The following ADAM12 variants were observed in gnomAD, a reference collection of about 807,000 sequenced individuals.
ADAM12 encodes disintegrin and metalloproteinase domain-containing protein 12.
ADAM12 carries 70 observed loss-of-function variants against 106.4 expected under a neutral mutation model. The observed-to-expected ratio is 0.66, with a 90% CI of 0.54 to 0.80. The LOEUF is 0.80. Among genes scored for constraint, ADAM12 ranks in the 30% least tolerant of loss-of-function variants. ADAM12 has a pLI of 0.00. For synonymous variants in ADAM12, 420 were observed against 433.5 expected (o/e 0.97, Z 0.39); for missense variants, 1,010 against 1,171.9 (o/e 0.86, Z 2.02).
At chr10:126,114,679 C>T (rs1405579414) in intron 6 of ADAM12, among the ~76,000 whole-genome samples, 1 of 152,152 alleles carries the variant, frequency 6.6e-6, no homozygotes, top group African/African-American at 2.4e-5. Flanking sequence ...GGGGTTTCAC[C>T]ACGTTGGCCA....
Position 126,385,521 on chromosome 10 carries a change from T to C in ADAM12, c.88+2537A>G, listed in dbSNP as rs187599778. The stretch of plus-strand genomic sequence containing the variant: ...ATATCACAGCTTGGTGCACAGAAAA[T>C]AAAGCAAACAAAAATCAAGACAAGG... On this transcript the variant is annotated intron_variant, in intron 1 of 22. Transcript: ENST00000448723. 4.6e-5 allele frequency among the ~76,000 whole-genome samples: 7 copies of C among 151,950 alleles called. No homozygotes were observed. The East Asian group carries it at 1.4e-3, about 29-fold the overall frequency.
At chr10:126,084,549 C>T (rs1034995334) in intron 11 of ADAM12, among the ~76,000 whole-genome samples, 2 of 152,214 alleles carry the variant, frequency 1.3e-5, no homozygotes, top group Admixed American at 6.5e-5. Context: ...GCACAGAATA[C>T]GCTAGTTCTT....
intron 11 of ADAM12, among the ~76,000 whole-genome samples, chr10:126,077,780 A>G (rs1056034628): frequency 2.0e-5 from 3 of 152,194 alleles, no homozygotes; most frequent in Non-Finnish European, 4.4e-5. Flanking sequence ...GGTGTTTTTC[A>G]TAAGAACTCC....
chr10:126,340,993 G>C (rs1371443678), intron 1 of ADAM12, among the ~76,000 whole-genome samples: 1 of 152,120 alleles, frequency 6.6e-6, no homozygotes, highest in Non-Finnish European at 1.5e-5. Flanking sequence ...GGGATTACAG[G>C]TGTGAGCCAT....
chr10:126,126,699 ACAGTGGGGGAGG>A (rs886890231), intron 5 of ADAM12, among the ~76,000 whole-genome samples: 4 of 152,002 alleles, frequency 2.6e-5, no homozygotes, highest in Non-Finnish European at 4.4e-5. Context: ...AGACAGAAGC[ACAGTGGGGGAGG>A]CAATTTTCAA....
intron 2 of ADAM12, among the ~76,000 whole-genome samples, chr10:126,284,297 C>T (rs1013954298): frequency 7.2e-6 from 1 of 139,450 alleles, no homozygotes; most frequent in Non-Finnish European, 1.5e-5. Flanking sequence ...CACGTCACTG[C>T]ACTCCAGCCT....
rs1953641633 is a variant in ADAM12, at chr10:126,015,188, C to G, written c.*2091G>C. Reference sequence around the variant, plus strand: ...CATGGCATAAGATCACAGTTTTAACCTCCTTTAATATCAAACTCTCCTGGC... The same window carrying G: ...CATGGCATAAGATCACAGTTTTAACGTCCTTTAATATCAAACTCTCCTGGC... On this transcript the variant is annotated 3_prime_UTR_variant, in exon 23 of 23. Transcript: ENST00000448723. The G allele has an allele frequency of 6.6e-6, 1 of 152,138 alleles. No homozygotes were observed. The highest frequency in any genetic ancestry group is 1.5e-5 in the Non-Finnish European group (1 of 68,026). 9.4% of individuals were successfully genotyped at this position (152,138 alleles called of 1,614,324 possible). A position where few individuals can be genotyped will look rare whatever the true frequency, so the allele number is the denominator to read the frequency against.
intron 3 of ADAM12, among the ~76,000 whole-genome samples, chr10:126,206,044 A>G (rs979982643): frequency 4.6e-5 from 7 of 152,176 alleles, no homozygotes; most frequent in Non-Finnish European, 8.8e-5. Flanking sequence ...ATGTGTCTGG[A>G]AAAATGTCCA....
intron 3 of ADAM12, among the ~76,000 whole-genome samples, chr10:126,194,267 G>A (rs944494873): frequency 4.6e-5 from 5 of 109,584 alleles, no homozygotes; most frequent in African/African-American, 1.5e-4. Context: ...CATCAAATAA[G>A]TTCATATGCT....
intron 21 of ADAM12, among the ~76,000 whole-genome samples, chr10:126,027,923 A>G (rs1190447474): frequency 6.6e-6 from 1 of 152,186 alleles, no homozygotes; most frequent in Non-Finnish European, 1.5e-5. Context: ...TTGTTTGCAG[A>G]TGACGTGATC....
chr10:126,374,690 G>A (rs986510643), intron 1 of ADAM12, among the ~76,000 whole-genome samples: 1 of 152,074 alleles, frequency 6.6e-6, no homozygotes, highest in Non-Finnish European at 1.5e-5. Context: ...AAGAGATGAA[G>A]AGAAGCTAAA....
At chr10:126,044,601 T>C (rs956345059) in intron 17 of ADAM12, among the ~76,000 whole-genome samples, 1 of 152,220 alleles carries the variant, frequency 6.6e-6, no homozygotes, top group African/African-American at 2.4e-5. Context: ...CTGCCAGATA[T>C]ACAGTTTCAT....
chr10:126,064,620 A>ACCCCATG lies in ADAM12; in HGVS notation c.1609+179_1609+185dup, dbSNP rs1954825938. 1.6e-6 allele frequency: 1 copy of ACCCCATG among 617,666 alleles called. No individual in the cohort carries two copies. The highest frequency in any genetic ancestry group is 1.8e-5 in the African/African-American group (1 of 54,132). 38.3% of individuals were successfully genotyped at this position (617,666 alleles called of 1,614,324 possible). On this transcript the variant is annotated intron_variant, in intron 14 of 22. Transcript: ENST00000448723. This position sits in a 1 kb window ranked among gnomAD's most constrained non-coding sequence, Gnocchi z 4.4. ...CTCCAGGCAGTGTCCATTTCTGTGC[A>ACCCCATG]CCCCATGCCCAGTGCGGCCTCAGAC...
intron 2 of ADAM12, among the ~76,000 whole-genome samples, chr10:126,329,080 G>A (rs1002216688): frequency 6.6e-6 from 1 of 150,552 alleles, no homozygotes; most frequent in African/African-American, 2.4e-5. Flanking sequence ...TCAGAAACAA[G>A]ACAGGACACA....
At chr10:126,106,162 T>C (rs570425401) in intron 8 of ADAM12, among the ~76,000 whole-genome samples, 1 of 152,250 alleles carries the variant, frequency 6.6e-6, no homozygotes, top group African/African-American at 2.4e-5. Flanking sequence ...TTGGTCATCA[T>C]GAGGTCCCGG....
At chr10:126,129,669 G>A (rs971408606) in intron 5 of ADAM12, among the ~76,000 whole-genome samples, 19 of 152,160 alleles carry the variant, frequency 1.2e-4, no homozygotes, top group African/African-American at 3.9e-4. Flanking sequence ...TGGGAGTTGC[G>A]CATCGATGGG....
At chr10:126,205,459 T>G (rs1350317917) in intron 3 of ADAM12, among the ~76,000 whole-genome samples, 1 of 152,140 alleles carries the variant, frequency 6.6e-6, no homozygotes. Context: ...TCAGCAAGAG[T>G]TGTAAAACCT....
chr10:126,077,897 G>A (rs955206035), intron 11 of ADAM12, among the ~76,000 whole-genome samples: 4 of 152,044 alleles, frequency 2.6e-5, no homozygotes, highest in Non-Finnish European at 5.9e-5. Flanking sequence ...AGTCTCATTT[G>A]ATCAAGACAC....
At chr10:126,094,612 T>C (rs1209405567) in intron 10 of ADAM12, among the ~76,000 whole-genome samples, 2 of 152,212 alleles carry the variant, frequency 1.3e-5, no homozygotes, top group Non-Finnish European at 2.9e-5. Flanking sequence ...TGAGAGGTTG[T>C]CATTGAGCCT....
Sources: gnomAD v4.1 joint callset for allele counts (sites outside exome capture counted in the v4.1 genomes callset) on GRCh38, gnomAD v4.1.1 for gene constraint, Gnocchi (gnomAD v3.1) non-coding constraint, MANE v1.5 for transcripts, NCBI Gene and HGNC (gene_info 2026-07-23, HGNC 2026-07-21) for gene names.